SUMF1: variants seen among roughly 807,000 people sequenced by gnomAD.
SUMF1 encodes the protein sulfatase modifying factor 1.
A neutral mutation model predicts 47.6 loss-of-function variants in SUMF1; 48 were observed. That is an observed-to-expected ratio of 1.01 (90% confidence interval 0.80 to 1.28). The LOEUF is 1.28. SUMF1 is among the 50% of genes most tolerant of loss of function. The pLI is 0.00. For missense variants in SUMF1, 571 were observed against 485.4 expected (o/e 1.18, Z -1.66); for synonymous variants, 230 against 192.1 (o/e 1.20, Z -1.63).
At chr3:4,132,489 G>T (rs1049389057) in intron 8 of SUMF1, among the ~76,000 whole-genome samples, 4 of 152,116 alleles carry the variant, frequency 2.6e-5, no homozygotes, top group Non-Finnish European at 5.9e-5. Flanking sequence ...ATATGGTACT[G>T]TTTCTCCCAT....
At chr3:4,385,901 A>G (rs1390702944) in intron 7 of SUMF1, among the ~76,000 whole-genome samples, 1 of 152,164 alleles carries the variant, frequency 6.6e-6, no homozygotes, top group Non-Finnish European at 1.5e-5. Flanking sequence ...CCTTCATTAA[A>G]TTGCTTTGGC....
At chr3:4,057,187 G>A (rs1016027085) in intron 9 of SUMF1, among the ~76,000 whole-genome samples, 2 of 152,184 alleles carry the variant, frequency 1.3e-5, no homozygotes, top group Admixed American at 1.3e-4. Context: ...ACCACCAGCT[G>A]CACTCAGATG....
At chr3:4,267,247 G>C (rs1375999739) in intron 8 of SUMF1, among the ~76,000 whole-genome samples, 1 of 152,178 alleles carries the variant, frequency 6.6e-6, no homozygotes, top group African/African-American at 2.4e-5. Context: ...CATAAAATGA[G>C]TTAGGGAGGT....
chr3:4,271,545 A>G (rs1418353155), intron 8 of SUMF1, among the ~76,000 whole-genome samples: 3 of 152,160 alleles, frequency 2.0e-5, no homozygotes, highest in African/African-American at 7.2e-5. Context: ...AACATTGCCC[A>G]GGCTGGAATG....
At chr3:4,184,691 C>T (rs934645547) in intron 8 of SUMF1, among the ~76,000 whole-genome samples, 3 of 150,230 alleles carry the variant, frequency 2.0e-5, no homozygotes, top group Admixed American at 6.6e-5. Flanking sequence ...CTCTGCTGCC[C>T]AGGCTAGAGT....
At chr3:4,368,742 T>C (rs990166340) in intron 8 of SUMF1, among the ~76,000 whole-genome samples, 1 of 152,104 alleles carries the variant, frequency 6.6e-6, no homozygotes, top group Non-Finnish European at 1.5e-5. Context: ...AACGCACATA[T>C]CCCTGACTAC....
chr3:4,190,890 G>A (rs1333964727), intron 8 of SUMF1, among the ~76,000 whole-genome samples: 6 of 152,190 alleles, frequency 3.9e-5, no homozygotes, highest in South Asian at 2.1e-4. Context: ...CTATAATCGG[G>A]GTGCTAGGAA....
chr3:4,400,307 C>G (rs746453479), intron 7 of SUMF1, among the ~76,000 whole-genome samples: 11 of 152,172 alleles, frequency 7.2e-5, no homozygotes, highest in Non-Finnish European at 1.0e-4. Flanking sequence ...AATAAACAAT[C>G]TTTTGATTGA....
At chr3:4,233,781 T>A (rs1469337116) in intron 8 of SUMF1, among the ~76,000 whole-genome samples, 3 of 152,048 alleles carry the variant, frequency 2.0e-5, no homozygotes, top group Non-Finnish European at 4.4e-5. Context: ...ACGAAGTCAA[T>A]ACTAAATAAG....
intron 4 of SUMF1, 45 bp from the exon 5 acceptor site, chr3:4,418,177 C>A (rs765989894): frequency 1.2e-6 from 2 of 1,613,084 alleles, no homozygotes; most frequent in Non-Finnish European, 1.7e-6. Context: ...CCAATCAGAA[C>A]AAGAAGCAGG....
At chr3:4,254,406 G>C (rs1696894330) in intron 8 of SUMF1, among the ~76,000 whole-genome samples, 1 of 150,706 alleles carries the variant, frequency 6.6e-6, no homozygotes, top group African/African-American at 2.4e-5. Context: ...AACCAATACA[G>C]AGAAGTGCTT....
chr3:4,096,125 T>C (rs1692897347), intron 8 of SUMF1, among the ~76,000 whole-genome samples: 1 of 152,176 alleles, frequency 6.6e-6, no homozygotes. Flanking sequence ...CTTTAAGCTA[T>C]TTCATTTACA....
chr3:4,343,866 T>C (rs566218157), intron 8 of SUMF1, among the ~76,000 whole-genome samples: 1 of 152,196 alleles, frequency 6.6e-6, no homozygotes, highest in Non-Finnish European at 1.5e-5. Flanking sequence ...AATAGGTTTA[T>C]TGGAAAAAAT....
intron 8 of SUMF1, among the ~76,000 whole-genome samples, chr3:4,246,843 C>G (rs1021214746): frequency 1.3e-5 from 2 of 152,130 alleles, no homozygotes; most frequent in African/African-American, 4.8e-5. Context: ...AGGGCAAATA[C>G]AACAGTAACC....
chr3:4,348,468 T>C (rs1699418484), intron 8 of SUMF1, among the ~76,000 whole-genome samples: 2 of 152,202 alleles, frequency 1.3e-5, no homozygotes, highest in Non-Finnish European at 2.9e-5. Flanking sequence ...GAAAACTGGC[T>C]AGCCATATGC....
At chr3:4,049,267 G>A (rs1019997392) in intron 9 of SUMF1, among the ~76,000 whole-genome samples, 4 of 152,122 alleles carry the variant, frequency 2.6e-5, no homozygotes, top group Non-Finnish European at 5.9e-5. Flanking sequence ...TGGGGCAAAG[G>A]CAAATAATTC....
chr3:4,450,827 A>C (rs1702944430), intron 2 of SUMF1, among the ~76,000 whole-genome samples: 1 of 152,114 alleles, frequency 6.6e-6, no homozygotes. Flanking sequence ...AAGCAGAGAG[A>C]AAATACGGGC....
intron 8 of SUMF1, among the ~76,000 whole-genome samples, chr3:4,324,261 T>C (rs927426120): frequency 1.3e-5 from 2 of 152,186 alleles, no homozygotes; most frequent in Admixed American, 6.6e-5. Flanking sequence ...TGAAGAAAGA[T>C]GGCCTCATTT....
intron 8 of SUMF1, among the ~76,000 whole-genome samples, chr3:4,266,709 C>A (rs1189548420): frequency 7.1e-6 from 1 of 140,384 alleles, no homozygotes; most frequent in Non-Finnish European, 1.6e-5. Context: ...AATTGAATAC[C>A]CTTTATTTCC....
Sources: allele counts gnomAD v4.1 joint callset (sites outside exome capture counted in the v4.1 genomes callset), GRCh38; gene constraint gnomAD v4.1.1; transcripts MANE v1.5; gene names NCBI Gene and HGNC (gene_info 2026-07-23, HGNC 2026-07-21).